Variants in PRKN observed in about 807,000 individuals in gnomAD.
PRKN encodes parkin RBR E3 ubiquitin protein ligase, also known as E3 ubiquitin-protein ligase parkin.
A neutral mutation model predicts 59.5 loss-of-function variants in PRKN; 56 were observed. The ratio of observed to expected loss-of-function variants is 0.94; its 90% CI spans 0.76 to 1.18. The LOEUF is 1.18. Ranked by LOEUF, PRKN falls within the 50% of genes most tolerant of loss-of-function variation. The pLI is 0.00. For synonymous variants in PRKN, 250 were observed against 222.1 expected (o/e 1.13, Z -1.12); for missense variants, 657 against 596.4 (o/e 1.10, Z -1.06).
At chr6:161,772,822 T>C (rs376850312) in intron 7 of PRKN, among the ~76,000 whole-genome samples, 4 of 152,124 alleles carry the variant, frequency 2.6e-5, no homozygotes, top group African/African-American at 9.7e-5. Context: ...TAACAAAATA[T>C]ATATAACAAA....
intron 6 of PRKN, among the ~76,000 whole-genome samples, chr6:161,946,412 ACACTCTCTCTCTCT>A (rs1234713422): frequency 9.5e-5 from 9 of 94,292 alleles, no homozygotes; most frequent in African/African-American, 2.2e-4. Context: ...ACACACACAC[ACACTCTCTCTCTCT>A]CTCTCTCTCT....
chr6:162,628,859 T>C (rs1782997384), intron 1 of PRKN, among the ~76,000 whole-genome samples: 1 of 152,140 alleles, frequency 6.6e-6, no homozygotes, highest in Admixed American at 6.5e-5. Context: ...TTACCTACAT[T>C]AATCCTCACT....
chr6:162,156,713 AC>A (rs1335152050), intron 4 of PRKN, among the ~76,000 whole-genome samples: 1 of 152,082 alleles, frequency 6.6e-6, no homozygotes, highest in East Asian at 1.9e-4. Context: ...TCTTTTGGCA[AC>A]CCCCTCACAG....
intron 6 of PRKN, among the ~76,000 whole-genome samples, chr6:161,914,456 T>C (rs556271055): frequency 1.7e-4 from 26 of 152,288 alleles, no homozygotes; most frequent in Non-Finnish European, 2.8e-4. Context: ...AGTATTAGAA[T>C]GGCCAACTTG....
At chr6:162,123,730 T>C (rs1393123661) in intron 4 of PRKN, among the ~76,000 whole-genome samples, 1 of 152,132 alleles carries the variant, frequency 6.6e-6, no homozygotes, top group Non-Finnish European at 1.5e-5. Flanking sequence ...AAAAGGAAGT[T>C]TGAGTATGTG....
At chr6:162,214,639 G>C (rs1777559631) in intron 3 of PRKN, among the ~76,000 whole-genome samples, 1 of 152,096 alleles carries the variant, frequency 6.6e-6, no homozygotes, top group South Asian at 2.1e-4. Flanking sequence ...CTTTTATCCA[G>C]TACATATGCA....
chr6:162,131,151 C>A (rs144348936), intron 4 of PRKN, among the ~76,000 whole-genome samples: 6 of 152,208 alleles, frequency 3.9e-5, no homozygotes, highest in African/African-American at 1.2e-4. Context: ...GAACTACTTG[C>A]AGATTCAGCT....
At chr6:162,622,927 T>C (rs73595993) in intron 1 of PRKN, among the ~76,000 whole-genome samples, 3,149 of 152,306 alleles carry the variant, frequency 0.021, 113 homozygotes, top group African/African-American at 0.071. Context: ...CCTGAACACC[T>C]TTCCCACTTT....
At position 161,530,800 on chromosome 6, in the gene PRKN, G is replaced by A. The variant is rs1201100634; in HGVS notation, c.1083+18054C>T. Among the ~76,000 whole-genome samples, 1 of 151,976 alleles carries A rather than the reference G, an allele frequency of 6.6e-6. No homozygotes were observed. Among genetic ancestry groups the A allele is most frequent in the South Asian group, 2.1e-4 (1 of 4,814 alleles). On this transcript the variant is annotated intron_variant, in intron 9 of 11. Coordinates refer to ENST00000366898, the MANE Select transcript of PRKN (RefSeq NM_004562.3). The surrounding 1 kb of genome is among the most constrained non-coding windows in gnomAD (Gnocchi z 5.0). The stretch of plus-strand genomic sequence containing the variant: ...CCCAAAGTGCTGGGATTACAGGCGT[G>A]AGCCACCACACCTGGCCCAAGGCTT...
At chr6:162,668,735 T>C (rs1779202702) in intron 1 of PRKN, among the ~76,000 whole-genome samples, 2 of 152,162 alleles carry the variant, frequency 1.3e-5, no homozygotes, top group South Asian at 4.1e-4. Flanking sequence ...TCCTGTGGCC[T>C]CGATGAGTGG....
chr6:161,408,623 A>G (rs997852145), intron 9 of PRKN, among the ~76,000 whole-genome samples: 5 of 151,868 alleles, frequency 3.3e-5, no homozygotes, highest in Admixed American at 1.3e-4. Flanking sequence ...GGGGTCGGCG[A>G]GGCTGATACC....
intron 8 of PRKN, among the ~76,000 whole-genome samples, chr6:161,558,010 G>C (rs553135690): frequency 3.9e-5 from 6 of 152,286 alleles, no homozygotes; most frequent in East Asian, 1.9e-4. Flanking sequence ...TCCTAGAGCA[G>C]AGGGGTCGTG....
intron 2 of PRKN, among the ~76,000 whole-genome samples, chr6:162,372,280 T>G (rs1037643372): frequency 6.6e-6 from 1 of 152,158 alleles, no homozygotes; most frequent in Non-Finnish European, 1.5e-5. Context: ...AGTCCATTAT[T>G]TCTAATGGTC....
intron 3 of PRKN, among the ~76,000 whole-genome samples, chr6:162,209,910 G>A (rs1434376792): frequency 6.7e-6 from 1 of 149,830 alleles, no homozygotes; most frequent in Non-Finnish European, 1.5e-5. Context: ...TGAACAATGA[G>A]AACACTTGGA....
intron 6 of PRKN, among the ~76,000 whole-genome samples, chr6:161,905,677 T>G (rs911131716): frequency 6.6e-6 from 1 of 151,890 alleles, no homozygotes; most frequent in Non-Finnish European, 1.5e-5. Flanking sequence ...AAGTACATTT[T>G]CGGCCGGGTG....
intron 5 of PRKN, among the ~76,000 whole-genome samples, chr6:162,025,667 C>T (rs1176736865): frequency 6.9e-6 from 1 of 145,228 alleles, no homozygotes; most frequent in Non-Finnish European, 1.5e-5. Flanking sequence ...CAGCTCACTG[C>T]AACCTCCGCC....
chr6:162,649,950 T>G (rs1260231297), intron 1 of PRKN, among the ~76,000 whole-genome samples: 2 of 152,126 alleles, frequency 1.3e-5, no homozygotes, highest in African/African-American at 4.8e-5. Context: ...AAGACAGAAA[T>G]CTGAACATTC....
chr6:162,665,026 C>T (rs1368868204), intron 1 of PRKN, among the ~76,000 whole-genome samples: 1 of 152,060 alleles, frequency 6.6e-6, no homozygotes, highest in Non-Finnish European at 1.5e-5. Context: ...ATCGATGGAA[C>T]ATATCTTAAA....
chr6:162,018,036 A>AT (rs917699263), intron 5 of PRKN, among the ~76,000 whole-genome samples: 5 of 151,610 alleles, frequency 3.3e-5, no homozygotes, highest in Non-Finnish European at 7.4e-5. Context: ...TTTTATTTTT[A>AT]TTTTTTTTGA....
Sources: allele counts gnomAD v4.1 joint callset (sites outside exome capture counted in the v4.1 genomes callset), GRCh38; gene constraint gnomAD v4.1.1; non-coding constraint Gnocchi (gnomAD v3.1); transcripts MANE v1.5; gene names NCBI Gene and HGNC (gene_info 2026-07-23, HGNC 2026-07-21).